Variants in ARK2N observed in about 807,000 individuals in gnomAD.
ARK2N encodes protein ARK2N.
the ARK2N span, among the ~76,000 whole-genome samples, chr18:46,210,868 G>A: frequency 4.0e-5 from 6 of 151,188 alleles, no homozygotes; most frequent in African/African-American, 7.3e-5. Context: ...CCAGGATGGC[G>A]CCCCTGCATT....
the ARK2N span, chr18:46,262,904 C>G: frequency 2.5e-6 from 4 of 1,607,376 alleles, no homozygotes; most frequent in East Asian, 2.2e-5. Context: ...ATTAACCATG[C>G]TTTTGTTCTT....
chr18:46,264,735 C>CTTTTTTTTTT, the ARK2N span: 1 of 133,236 alleles, frequency 7.5e-6, no homozygotes, highest in African/African-American at 2.8e-5. Flanking sequence ...TCATCTTCTT[C>CTTTTTTTTTT]TTTTTTTTTT....
At chr18:46,196,924 G>A in the ARK2N span, among the ~76,000 whole-genome samples, 10 of 152,278 alleles carry the variant, frequency 6.6e-5, no homozygotes, top group African/African-American at 2.4e-4. Flanking sequence ...ATGGTGGCTG[G>A]TGTCTCCCAA....
At chr18:46,231,079 T>C in the ARK2N span, among the ~76,000 whole-genome samples, 1 of 152,192 alleles carries the variant, frequency 6.6e-6, no homozygotes, top group Non-Finnish European at 1.5e-5. Flanking sequence ...GATTGTACTT[T>C]TTGTACATTA....
At chr18:46,173,709 G>C in the ARK2N span, 1 of 152,448 alleles carries the variant, frequency 6.6e-6, no homozygotes, top group African/African-American at 2.4e-5. Flanking sequence ...GGCTTCAGGA[G>C]GGGGTGAGTA....
the ARK2N span, among the ~76,000 whole-genome samples, chr18:46,175,587 A>C: frequency 1.3e-5 from 2 of 152,004 alleles, no homozygotes; most frequent in Non-Finnish European, 2.9e-5. Context: ...CAAAAAAAAA[A>C]AAAACACATG....
the ARK2N span, among the ~76,000 whole-genome samples, chr18:46,187,937 C>A: frequency 6.6e-6 from 1 of 152,110 alleles, no homozygotes; most frequent in Non-Finnish European, 1.5e-5. Flanking sequence ...AACTGGAACT[C>A]CCCCGCTAAG....
At chr18:46,190,260 C>T in the ARK2N span, among the ~76,000 whole-genome samples, 1 of 152,084 alleles carries the variant, frequency 6.6e-6, no homozygotes, top group Non-Finnish European at 1.5e-5. Flanking sequence ...TGGCTCACGC[C>T]TGTAATCCCA....
At chr18:46,257,891 T>G in the ARK2N span, among the ~76,000 whole-genome samples, 1,543 of 152,030 alleles carry the variant, frequency 0.01, 25 homozygotes, top group African/African-American at 0.035. Flanking sequence ...TGTAGGAAGC[T>G]GTATTTGAGA....
At chr18:46,211,454 G>A in the ARK2N span, among the ~76,000 whole-genome samples, 1 of 152,162 alleles carries the variant, frequency 6.6e-6, no homozygotes, top group African/African-American at 2.4e-5. Context: ...GAGATGTCAG[G>A]TTGCATTGGG....
At chr18:46,245,354 T>A in the ARK2N span, among the ~76,000 whole-genome samples, 1 of 151,672 alleles carries the variant, frequency 6.6e-6, no homozygotes, top group Non-Finnish European at 1.5e-5. Context: ...GATCACGAGG[T>A]CAGGAGTTCG....
At chr18:46,192,501 C>T in the ARK2N span, among the ~76,000 whole-genome samples, 10 of 151,498 alleles carry the variant, frequency 6.6e-5, no homozygotes, top group Non-Finnish European at 1.2e-4. Flanking sequence ...TGCTTGAACC[C>T]GGGAGGTGGA....
chr18:46,257,734 A>C, the ARK2N span, among the ~76,000 whole-genome samples: 1 of 152,080 alleles, frequency 6.6e-6, no homozygotes, highest in Non-Finnish European at 1.5e-5. Context: ...TGCTCTAGGA[A>C]GAGGAATACA....
chr18:46,176,374 T>TA, the ARK2N span, among the ~76,000 whole-genome samples: 3 of 152,164 alleles, frequency 2.0e-5, no homozygotes, highest in Non-Finnish European at 4.4e-5. Flanking sequence ...TAACTGAGGA[T>TA]ATGGAAATAG....
chr18:46,253,642 G>C, the ARK2N span: 6 of 1,571,160 alleles, frequency 3.8e-6, no homozygotes, highest in Admixed American at 1.8e-5. Context: ...TGTTTCCACT[G>C]TTTGTGAGGA....
At chr18:46,229,458 C>T in the ARK2N span, among the ~76,000 whole-genome samples, 2 of 151,744 alleles carry the variant, frequency 1.3e-5, no homozygotes, top group Non-Finnish European at 2.9e-5. Flanking sequence ...TGCCATTCTC[C>T]TGCCTCAGCC....
the ARK2N span, among the ~76,000 whole-genome samples, chr18:46,194,563 C>G: frequency 6.6e-6 from 1 of 151,472 alleles, no homozygotes; most frequent in Non-Finnish European, 1.5e-5. Context: ...GCCTCCGCCT[C>G]CTGGGTTCAA....
At chr18:46,192,514 T>C in the ARK2N span, among the ~76,000 whole-genome samples, 1 of 151,440 alleles carries the variant, frequency 6.6e-6, no homozygotes, top group Non-Finnish European at 1.5e-5. Context: ...GAGGTGGAGG[T>C]TGCAGTGAGC....
At chr18:46,259,588 G>A in the ARK2N span, among the ~76,000 whole-genome samples, 6 of 151,096 alleles carry the variant, frequency 4.0e-5, no homozygotes, top group East Asian at 5.9e-4. Context: ...TCTTTTCCCC[G>A]TAACTACTAT....
Sources: allele counts gnomAD v4.1 joint callset (sites outside exome capture counted in the v4.1 genomes callset), GRCh38; gene constraint gnomAD v4.1.1; transcripts MANE v1.5; gene names NCBI Gene and HGNC (gene_info 2026-07-23, HGNC 2026-07-21).